The following FSTL5 variants were observed in gnomAD, a reference collection of about 807,000 sequenced individuals.
FSTL5 encodes the protein follistatin-related protein 5.
Under a neutral mutation model 89.1 loss-of-function variants are expected in FSTL5, and 62 were observed. The observed-to-expected ratio is 0.70, with a 90% CI of 0.57 to 0.86. The LOEUF is 0.86. Ranked by LOEUF, FSTL5 falls within the 40% of genes least tolerant of loss-of-function variation. FSTL5 has a pLI of 0.00. For missense variants in FSTL5, 1,057 were observed against 1,001.6 expected, an observed-to-expected ratio of 1.06 and a Z score of -0.75; for synonymous variants, 383 against 346.2, an observed-to-expected ratio of 1.11 and a Z score of -1.18.
At chr4:161,622,760 A>C (rs917697694) in intron 7 of FSTL5, among the ~76,000 whole-genome samples, 2 of 152,092 alleles carry the variant, frequency 1.3e-5, no homozygotes, top group African/African-American at 4.8e-5. Context: ...AAGCTGGCAA[A>C]AAAGTTTAGA....
At chr4:161,471,746 T>G (rs1292529129) in intron 13 of FSTL5, among the ~76,000 whole-genome samples, 1 of 152,088 alleles carries the variant, frequency 6.6e-6, no homozygotes, top group Non-Finnish European at 1.5e-5. Flanking sequence ...AGTAAATTTA[T>G]TTTTTTCTAT....
chr4:161,495,991 A>G (rs1029911919), intron 12 of FSTL5, among the ~76,000 whole-genome samples: 7 of 152,170 alleles, frequency 4.6e-5, no homozygotes, highest in African/African-American at 1.7e-4. Flanking sequence ...GTCACTCTGA[A>G]ACAATTCAAT....
At chr4:162,089,102 C>T (rs936808333) in intron 2 of FSTL5, among the ~76,000 whole-genome samples, 1 of 149,906 alleles carries the variant, frequency 6.7e-6, no homozygotes, top group Non-Finnish European at 1.5e-5. Context: ...ATCTCTTTCC[C>T]TCTCTCTCTC....
At chr4:161,949,857 G>A (rs1440320896) in intron 3 of FSTL5, among the ~76,000 whole-genome samples, 1 of 151,116 alleles carries the variant, frequency 6.6e-6, no homozygotes, top group Non-Finnish European at 1.5e-5. Context: ...CACTCAAGTT[G>A]TTTCATTTCT....
chr4:161,737,680 A>C (rs1739865707), intron 6 of FSTL5, among the ~76,000 whole-genome samples: 1 of 152,052 alleles, frequency 6.6e-6, no homozygotes, highest in Admixed American at 6.6e-5. Flanking sequence ...TTCACAAATA[A>C]GCAAAACCTA....
At chr4:161,622,491 A>G (rs935183235) in intron 7 of FSTL5, among the ~76,000 whole-genome samples, 1 of 152,018 alleles carries the variant, frequency 6.6e-6, no homozygotes, top group Non-Finnish European at 1.5e-5. Context: ...CATTAATAAA[A>G]TACTAGCAAT....
chr4:161,509,319 T>A (rs569918315), intron 11 of FSTL5, among the ~76,000 whole-genome samples: 1 of 152,170 alleles, frequency 6.6e-6, no homozygotes, highest in East Asian at 1.9e-4. Context: ...AATAAATATA[T>A]AAATAAGTAA....
rs185029509 is a variant in FSTL5, at chr4:161,868,231, C to A, written c.409+52173G>T. On this transcript the variant is annotated intron_variant, in intron 4 of 15. Transcript: ENST00000306100. ...TTGAATTTAGTCTACCATTTCTTCA[C>A]TCTATTCGTCATCTACAATCCCTTT... is the stretch of plus-strand genomic sequence containing the variant. Among the ~76,000 whole-genome samples the A allele has an allele frequency of 2.0e-4, 30 of 152,268 alleles. No individual in the cohort carries two copies. In the East Asian group the frequency reaches 5.8e-3, roughly 29 times the overall value.
chr4:161,525,306 G>A (rs1365375169), intron 10 of FSTL5, among the ~76,000 whole-genome samples: 1 of 152,122 alleles, frequency 6.6e-6, no homozygotes, highest in Non-Finnish European at 1.5e-5. Flanking sequence ...AAAGGTGAAA[G>A]CATGAATGAA....
chr4:161,452,052 C>A (rs1560901717), intron 15 of FSTL5, among the ~76,000 whole-genome samples: 1 of 152,130 alleles, frequency 6.6e-6, no homozygotes, highest in Non-Finnish European at 1.5e-5. Context: ...TGTTTCAGAC[C>A]CTCTGCCTGG....
chr4:161,534,491 T>C (rs780287862), intron 10 of FSTL5, among the ~76,000 whole-genome samples: 25 of 152,068 alleles, frequency 1.6e-4, no homozygotes, highest in Non-Finnish European at 2.9e-4. Flanking sequence ...TAAAATTATA[T>C]GTAATACATA....
At chr4:161,936,477 T>A (rs2110910315) in intron 3 of FSTL5, among the ~76,000 whole-genome samples, 1 of 152,228 alleles carries the variant, frequency 6.6e-6, no homozygotes, top group South Asian at 2.1e-4. Context: ...TGGAATCTTG[T>A]AAGAATATAG....
intron 10 of FSTL5, among the ~76,000 whole-genome samples, chr4:161,512,138 A>AT (rs765864519): frequency 6.6e-6 from 1 of 152,172 alleles, no homozygotes; most frequent in African/African-American, 2.4e-5. Flanking sequence ...AAAGAAGTGG[A>AT]TTTTTTTGTA....
chr4:161,617,396 A>G (rs1298378274), intron 7 of FSTL5, among the ~76,000 whole-genome samples: 1 of 152,136 alleles, frequency 6.6e-6, no homozygotes, highest in Non-Finnish European at 1.5e-5. Context: ...CCAGAGGAAC[A>G]ATATAAAGTG....
chr4:161,649,924 G>T (rs2126676867), intron 7 of FSTL5, among the ~76,000 whole-genome samples: 1 of 152,316 alleles, frequency 6.6e-6, no homozygotes, highest in African/African-American at 2.4e-5. Flanking sequence ...CCAGCAGCCT[G>T]CTTGAACCCT....
chr4:162,156,038 T>C (rs1733455908), intron 1 of FSTL5, among the ~76,000 whole-genome samples: 1 of 152,084 alleles, frequency 6.6e-6, no homozygotes, highest in Non-Finnish European at 1.5e-5. Context: ...AAGAGTAGGA[T>C]CTGATCATGC....
At chr4:162,122,126 C>T (rs942623206) in intron 1 of FSTL5, among the ~76,000 whole-genome samples, 6 of 151,950 alleles carry the variant, frequency 3.9e-5, no homozygotes, top group Non-Finnish European at 8.8e-5. Context: ...ATACTGTGCA[C>T]GGGGTTGGCA....
At position 161,745,955 on chromosome 4, in the gene FSTL5, TA is replaced by T. The variant is rs545555731; in HGVS notation, c.727+13455del. On this transcript the variant is annotated intron_variant, in intron 6 of 15. Coordinates refer to ENST00000306100, the MANE Select transcript of FSTL5 (RefSeq NM_020116.5). ...TCTTTTAATCTAAGTTTTTCATCAG[TA>T]AAAAACAAATGTTAAATTTTAACTT... Among the ~76,000 whole-genome samples, 226 of 152,240 alleles carry T rather than the reference TA, an allele frequency of 1.5e-3. 2 individuals carry two copies. The highest frequency in any genetic ancestry group is 4.9e-3 in the African/African-American group (202 of 41,546).
At chr4:162,033,491 G>T in intron 3 of FSTL5, 134 bp downstream of exon 3, 1 of 569,730 alleles carries the variant, frequency 1.8e-6, no homozygotes, top group Non-Finnish European at 3.1e-6. Flanking sequence ...CAAAATGGCT[G>T]TAAAATCACA....
Sources: allele counts gnomAD v4.1 joint callset (sites outside exome capture counted in the v4.1 genomes callset), GRCh38; gene constraint gnomAD v4.1.1; transcripts MANE v1.5; gene names NCBI Gene and HGNC (gene_info 2026-07-23, HGNC 2026-07-21).